The following RORA variants were observed in gnomAD, a reference collection of about 807,000 sequenced individuals.
RORA encodes RAR related orphan receptor A, also known as nuclear receptor ROR-alpha.
RORA carries 7 observed loss-of-function variants against 69.5 expected under a neutral mutation model. That is an observed-to-expected ratio of 0.10 (90% CI 0.06 to 0.19). RORA has a LOEUF of 0.19. Among genes scored for constraint, RORA ranks in the 10% least tolerant of loss-of-function variants. The probability of loss-of-function intolerance (pLI) is 1.00; values close to 1 mark genes in which losing one functional copy is unlikely to be tolerated. For synonymous variants in RORA, 261 were observed against 240.8 expected, an observed-to-expected ratio of 1.08 and a Z score of -0.78; for missense variants, 457 against 663.0, an observed-to-expected ratio of 0.69 and a Z score of 3.41.
intron 1 of RORA, among the ~76,000 whole-genome samples, chr15:60,961,212 T>C (rs930154117): frequency 1.3e-5 from 2 of 152,292 alleles, no homozygotes; most frequent in South Asian, 2.1e-4. Context: ...TCTGTGTGCA[T>C]GGATTCTGAT....
intron 2 of RORA, among the ~76,000 whole-genome samples, chr15:60,639,544 A>T (rs2140670975): frequency 6.6e-6 from 1 of 152,312 alleles, no homozygotes; most frequent in Middle Eastern, 3.4e-3. Flanking sequence ...AGATACTGTC[A>T]AGGCCAATGT....
At chr15:60,987,831 G>C (rs563006577) in intron 1 of RORA, among the ~76,000 whole-genome samples, 3 of 152,300 alleles carry the variant, frequency 2.0e-5, no homozygotes, top group South Asian at 4.1e-4. Context: ...CTGAGGCTCA[G>C]ATTTATTGGT....
chr15:60,684,371 T>A (rs2070706348), intron 1 of RORA, among the ~76,000 whole-genome samples: 1 of 152,142 alleles, frequency 6.6e-6, no homozygotes, highest in Non-Finnish European at 1.5e-5. Flanking sequence ...ATCCCAGAAC[T>A]TTGGGAGGCC....
At chr15:60,720,643 C>G (rs2071282301) in intron 1 of RORA, among the ~76,000 whole-genome samples, 1 of 152,134 alleles carries the variant, frequency 6.6e-6, no homozygotes, top group Non-Finnish European at 1.5e-5. Flanking sequence ...TGACAAGAAA[C>G]AAAGTTGCCG....
intron 1 of RORA, among the ~76,000 whole-genome samples, chr15:60,921,365 G>A (rs4775319): frequency 0.62 from 94,508 of 152,132 alleles, 30,048 homozygotes; most frequent in East Asian, 0.87. Flanking sequence ...AAGACCCATT[G>A]CAGGCATCAA....
intron 2 of RORA, among the ~76,000 whole-genome samples, chr15:60,674,963 G>A (rs973571098): frequency 9.2e-5 from 14 of 152,214 alleles, no homozygotes; most frequent in African/African-American, 1.7e-4. Flanking sequence ...CTCTGGAAAC[G>A]GTTCAGGGGC....
intron 1 of RORA, among the ~76,000 whole-genome samples, chr15:60,915,901 AT>A (rs1891859377): frequency 6.6e-6 from 1 of 152,240 alleles, no homozygotes; most frequent in Non-Finnish European, 1.5e-5. Context: ...GGAAGATTAA[AT>A]GAGATAAAGC....
chr15:60,588,747 CTA>C (rs1226721988), intron 2 of RORA, among the ~76,000 whole-genome samples: 39 of 152,202 alleles, frequency 2.6e-4, no homozygotes, highest in Admixed American at 2.5e-3. Flanking sequence ...TTCTAAATGA[CTA>C]TTTCTGTTTA....
chr15:60,645,656 G>C (rs1380746259), intron 2 of RORA, among the ~76,000 whole-genome samples: 1 of 152,114 alleles, frequency 6.6e-6, no homozygotes, highest in Non-Finnish European at 1.5e-5. Context: ...GCCTCCCAAA[G>C]TGCTGGGATT....
intron 2 of RORA, among the ~76,000 whole-genome samples, chr15:60,626,285 T>C (rs2069577086): frequency 6.6e-6 from 1 of 152,138 alleles, no homozygotes; most frequent in South Asian, 2.1e-4. Flanking sequence ...ACAGGGAAAA[T>C]GATCCCTAGG....
chr15:61,056,998 C>G (rs1354381735), intron 1 of RORA, among the ~76,000 whole-genome samples: 1 of 152,206 alleles, frequency 6.6e-6, no homozygotes, highest in Non-Finnish European at 1.5e-5. Flanking sequence ...TGGAAATTAA[C>G]CTTTTAGTGA....
chr15:60,509,666 G>A (rs992846551), intron 5 of RORA, among the ~76,000 whole-genome samples: 3 of 152,020 alleles, frequency 2.0e-5, no homozygotes, highest in Non-Finnish European at 2.9e-5. Context: ...CATTTTTCAT[G>A]GTATCATGTC....
intron 1 of RORA, among the ~76,000 whole-genome samples, chr15:60,776,814 A>G (rs1336852766): frequency 6.6e-6 from 1 of 152,154 alleles, no homozygotes; most frequent in African/African-American, 2.4e-5. Context: ...TCCTATCCTT[A>G]CCATTCTGTT....
At chr15:60,799,567 A>G (rs2072548349) in intron 1 of RORA, among the ~76,000 whole-genome samples, 1 of 152,166 alleles carries the variant, frequency 6.6e-6, no homozygotes, top group Admixed American at 6.5e-5. Context: ...TAATTTATAA[A>G]CTGCATTGGT....
chr15:60,580,675 T>C (rs1244836522), intron 2 of RORA, among the ~76,000 whole-genome samples: 1 of 152,202 alleles, frequency 6.6e-6, no homozygotes, highest in Non-Finnish European at 1.5e-5. Context: ...TCTGCAAAAA[T>C]CACTATGCAT....
At chr15:60,536,397 C>A (rs1056723888) in intron 2 of RORA, among the ~76,000 whole-genome samples, 1 of 152,090 alleles carries the variant, frequency 6.6e-6, no homozygotes, top group African/African-American at 2.4e-5. Flanking sequence ...AAGCTCTTTC[C>A]GAGGTGGGGA....
intron 1 of RORA, among the ~76,000 whole-genome samples, chr15:60,994,963 G>A (rs1053979501): frequency 2.6e-5 from 4 of 152,148 alleles, no homozygotes; most frequent in Non-Finnish European, 5.9e-5. Context: ...AAATCAGGAA[G>A]TGGTATAACA....
At chr15:61,216,156 C>G (rs1345033402) in intron 1 of RORA, among the ~76,000 whole-genome samples, 1 of 152,100 alleles carries the variant, frequency 6.6e-6, no homozygotes, top group Non-Finnish European at 1.5e-5. Flanking sequence ...AAGCCAAAAT[C>G]GATAAAAGAC....
chr15:60,866,505 G>A (rs761628593), intron 1 of RORA, among the ~76,000 whole-genome samples: 4 of 152,112 alleles, frequency 2.6e-5, no homozygotes, highest in Admixed American at 1.3e-4. Flanking sequence ...TTACACCTGC[G>A]TTTATATTAA....
Sources: allele counts gnomAD v4.1 joint callset (sites outside exome capture counted in the v4.1 genomes callset), GRCh38; gene constraint gnomAD v4.1.1; transcripts MANE v1.5; gene names NCBI Gene and HGNC (gene_info 2026-07-23, HGNC 2026-07-21).